Variants in CACYBP observed in about 807,000 individuals in gnomAD.
CACYBP encodes calcyclin binding protein.
CACYBP carries 11 observed loss-of-function variants against 29.6 expected under a neutral mutation model. That is an observed-to-expected ratio of 0.37 (90% confidence interval 0.23 to 0.61). The LOEUF is 0.61. Among genes scored for constraint, CACYBP ranks in the 20% least tolerant of loss-of-function variants. The pLI is 0.65. For missense variants in CACYBP, 163 were observed against 260.7 expected (o/e 0.63, Z 2.58); for synonymous variants, 73 against 88.3 (o/e 0.83, Z 0.97).
At chr1:175,007,018 GC>G (rs1449846871) in intron 3 of CACYBP, 79 bp from the exon 4 acceptor site, 1 of 1,047,218 alleles carries the variant, frequency 9.5e-7, no homozygotes, top group East Asian at 2.4e-5. Context: ...AAAGCCAGCA[GC>G]TTTTTTCCCA....
chr1:175,003,909 G>A (rs1411698369), intron 1 of CACYBP, among the ~76,000 whole-genome samples: 1 of 152,160 alleles, frequency 6.6e-6, no homozygotes, highest in Non-Finnish European at 1.5e-5. Flanking sequence ...ATGAGAACGT[G>A]GTGGCTTTTT....
In CACYBP at chr1:175,011,248, A is replaced by G. The variant is rs186390272; in HGVS notation, c.*1169A>G. 2 of 152,302 alleles carry G rather than the reference A, an allele frequency of 1.3e-5. No homozygotes were observed. The highest frequency in any genetic ancestry group is 4.8e-5 in the African/African-American group (2 of 41,556). 9.4% of individuals were successfully genotyped at this position (152,302 alleles called of 1,614,324 possible). A position where few individuals can be genotyped will look rare whatever the true frequency, so the allele number is the denominator to read the frequency against. The stretch of plus-strand genomic sequence containing the variant: ...GAAACAGTTTATGTATAGGATAGCT[A>G]TAAGTAAATACTGAAACACATTATG... On this transcript the variant is annotated 3_prime_UTR_variant, in exon 6 of 6. Transcript: ENST00000367679.
chr1:175,004,251 C>T (rs1231789234), intron 1 of CACYBP, among the ~76,000 whole-genome samples: 3 of 152,078 alleles, frequency 2.0e-5, no homozygotes, highest in East Asian at 3.9e-4. Context: ...TAATGACACT[C>T]GGATTAGATG....
chr1:175,003,604 A>G (rs1054387565), intron 1 of CACYBP, among the ~76,000 whole-genome samples: 6 of 152,264 alleles, frequency 3.9e-5, no homozygotes, highest in African/African-American at 1.2e-4. Context: ...GTTATAAAGC[A>G]CTAAAAGACT....
rs1468174771 is a variant in CACYBP at position 175,011,475 on chromosome 1, AACG to A, written c.*1399_*1401del. 2 of 152,218 alleles carry A rather than the reference AACG, an allele frequency of 1.3e-5. No individual in the cohort carries two copies. The allele number at this position is 152,218 out of a possible 1,614,324, so 9.4% of individuals were successfully genotyped here. A position where few individuals can be genotyped will look rare whatever the true frequency, so the allele number is the denominator to read the frequency against. On this transcript the variant is annotated 3_prime_UTR_variant, in exon 6 of 6. Transcript: ENST00000367679. The stretch of plus-strand genomic sequence containing the variant: ...CAAATACTAGAAGAAAATGGAGGAA[AACG>A]ACATTATATGTGACTTAAAACCTAG...
Position 175,000,101 on chromosome 1 carries a change from G to C in CACYBP, c.-80G>C, listed in dbSNP as rs1361167443. On this transcript the variant is annotated 5_prime_UTR_variant, in exon 1 of 6. Coordinates refer to ENST00000367679, the MANE Select transcript of CACYBP (RefSeq NM_014412.3). ...CTCGTGCGGGTAGGCGTCTGCGCTC[G>C]GTTTGAGGGCTCGGCGCGGGGTTTC... 1 of 1,549,618 alleles carries C rather than the reference G, an allele frequency of 6.5e-7. No homozygotes were observed. The highest frequency in any genetic ancestry group is 1.9e-5 in the Admixed American group (1 of 51,974).
In CACYBP at chr1:175,011,972, C is replaced by G. The variant is rs1223919050; in HGVS notation, c.*1893C>G. 6.6e-6 allele frequency among the ~76,000 whole-genome samples: 1 copy of G among 152,120 alleles called. No individual in the cohort carries two copies. The highest frequency in any genetic ancestry group is 1.5e-5 in the Non-Finnish European group (1 of 68,012). On this transcript the variant is annotated 3_prime_UTR_variant, in exon 6 of 6. Coordinates refer to ENST00000367679, the MANE Select transcript of CACYBP (RefSeq NM_014412.3). ...AAAAAAAACTAGCTGGGCATGGTGG[C>G]AGATGCCTGTAACTCCAGCTACTCG...
Position 175,011,997 on chromosome 1 carries a change from G to A in CACYBP, c.*1918G>A, listed in dbSNP as rs1037045159. Reference sequence around the variant, plus strand: ...CAGATGCCTGTAACTCCAGCTACTCGGGAGACTGAAGGACAAGAATCACTT... The same window carrying A: ...CAGATGCCTGTAACTCCAGCTACTCAGGAGACTGAAGGACAAGAATCACTT... On this transcript the variant is annotated 3_prime_UTR_variant, in exon 6 of 6. Transcript: ENST00000367679. 3.9e-5 allele frequency among the ~76,000 whole-genome samples: 6 copies of A among 152,106 alleles called. No homozygotes were observed. Among genetic ancestry groups the A allele is most frequent in the South Asian group, 2.1e-4 (1 of 4,830 alleles).
intron 3 of CACYBP, 67 bp from the exon 4 acceptor site, chr1:175,007,031 A>G (rs992749826): frequency 8.6e-7 from 1 of 1,169,472 alleles, no homozygotes; most frequent in Non-Finnish European, 1.2e-6. Flanking sequence ...TTTTTCCCAC[A>G]AGAACTATGG....
At position 175,006,696 on chromosome 1, in the gene CACYBP, G is replaced by A. The variant is rs754833803; in HGVS notation, c.236-49G>A. ...AGCCATGTGCATTTGCTGTTCTAAA[G>A]ATAGTTTCAGAGGCTTACTTACGTC... On this transcript the variant is annotated intron_variant, in intron 2 of 5. Coordinates refer to ENST00000367679, the MANE Select transcript of CACYBP (RefSeq NM_014412.3). 1.6e-5 allele frequency: 15 copies of A among 915,062 alleles called. No individual in the cohort carries two copies. In the East Asian group the frequency reaches 3.6e-4, roughly 22 times the overall value. The allele number at this position is 915,062 out of a possible 1,614,324, so 56.7% of individuals were successfully genotyped here. A position where few individuals can be genotyped will look rare whatever the true frequency, so the allele number is the denominator to read the frequency against.
At chr1:175,008,896 C>T (rs1235996835) in intron 5 of CACYBP, 190 bp downstream of exon 5, 1 of 553,860 alleles carries the variant, frequency 1.8e-6, no homozygotes, top group Non-Finnish European at 3.3e-6. Flanking sequence ...GTTCTTAACC[C>T]TAGGCGCAGT....
chr1:175,000,289 C>T, intron 1 of CACYBP, 94 bp downstream of exon 1: 2 of 1,527,008 alleles, frequency 1.3e-6, no homozygotes, highest in Middle Eastern at 1.7e-4. Context: ...CTGAGCCGCC[C>T]TGCGGCCACC....
chr1:175,008,565 T>G (rs377382736), intron 4 of CACYBP, 44 bp from the exon 5 acceptor site: 5 of 865,640 alleles, frequency 5.8e-6, no homozygotes, highest in African/African-American at 5.0e-5. Context: ...CATGCTTATC[T>G]CCATGTCTTC....
At chr1:175,003,982 C>T (rs1230832120) in intron 1 of CACYBP, among the ~76,000 whole-genome samples, 1 of 152,208 alleles carries the variant, frequency 6.6e-6, no homozygotes, top group East Asian at 1.9e-4. Flanking sequence ...GTGCAACCAA[C>T]TCCTACACTT....
chr1:175,006,949 A>G, intron 3 of CACYBP, 108 bp downstream of exon 3: 2 of 846,012 alleles, frequency 2.4e-6, no homozygotes, highest in Non-Finnish European at 3.8e-6. Flanking sequence ...AGAATTAATT[A>G]TCCTTTACAA....
intron 1 of CACYBP, 135 bp from the exon 2 acceptor site, chr1:175,004,479 C>G (rs940781099): frequency 3.6e-6 from 2 of 559,446 alleles, no homozygotes; most frequent in African/African-American, 3.8e-5. Context: ...ATTGAAGTTG[C>G]AACTCAATCC....
rs756165044 is a variant in CACYBP, at chr1:175,007,156, A to G, written c.391A>G (p.Asn131Asp). 1.2e-6 allele frequency: 2 copies of G among 1,612,534 alleles called. No individual in the cohort carries two copies. The highest frequency in any genetic ancestry group is 1.7e-6 in the Non-Finnish European group (2 of 1,178,958). ...NGKSYSMIVNNLLKPISVEGS... is the reference protein window; with the variant it reads ...NGKSYSMIVNDLLKPISVEGS... Reference sequence around the variant, plus strand: ...GAAGAGTTACTCCATGATTGTGAACAATCTCTTGAAACCCATCTCTGTGGA... The same window carrying G: ...GAAGAGTTACTCCATGATTGTGAACGATCTCTTGAAACCCATCTCTGTGGA... Residue 131 changes from asparagine (N) to aspartate (D), a missense_variant, in exon 4 of 6, where the codon AAT (asparagine) becomes GAT (aspartate). Physicochemically the swap from Asn to Asp is conservative, Grantham distance 23. Transcript: ENST00000367679.
At chr1:175,000,618 C>A in intron 1 of CACYBP, 9 of 1,056,404 alleles carry the variant, frequency 8.5e-6, no homozygotes, top group Non-Finnish European at 1.0e-5. Context: ...TCAGTGCTAG[C>A]ACTTGAATTC....
Position 175,010,035 on chromosome 1 carries a change from G to A in CACYBP, c.643G>A (p.Val215Met). ...GAAGCGAACCATTAATAAAGCCTGG[G>A]TGGAATCAAGAGAGAAGCAAGCCAA... is the stretch of plus-strand genomic sequence containing the variant. Reference protein sequence around the residue: ...DMKRTINKAWVESREKQAKGD... With the variant: ...DMKRTINKAWMESREKQAKGD... Residue 215 changes from valine (V) to methionine (M), a missense_variant, in exon 6 of 6, where the codon GTG becomes ATG. By Grantham distance (21) the Val-to-Met change is conservative (BLOSUM62 1). Transcript: ENST00000367679. The A allele has an allele frequency of 6.2e-7, 1 of 1,613,774 alleles. No homozygotes were observed. Among genetic ancestry groups the A allele is most frequent in the Non-Finnish European group, 8.5e-7 (1 of 1,179,774 alleles).
Sources: gnomAD v4.1 joint callset for allele counts (sites outside exome capture counted in the v4.1 genomes callset) on GRCh38, gnomAD v4.1.1 for gene constraint, MANE v1.5 for transcripts, NCBI Gene and HGNC (gene_info 2026-07-23, HGNC 2026-07-21) for gene names.